The following UPF3B variants were observed in gnomAD, a reference collection of about 807,000 sequenced individuals.
The protein encoded by UPF3B is regulator of nonsense transcripts 3B.
A neutral mutation model predicts 40.3 loss-of-function variants in UPF3B; 7 were observed. The ratio of observed to expected loss-of-function variants is 0.17; its 90% CI spans 0.10 to 0.33. The LOEUF is 0.33. UPF3B is among the 10% of genes least tolerant of loss of function. The pLI, the probability that UPF3B is intolerant of heterozygous loss-of-function variation, is 1.00. For missense variants in UPF3B, 229 were observed against 358.9 expected (o/e 0.64, Z 2.93); for synonymous variants, 117 against 117.3 (o/e 1.00, Z 0.01).
chrX:119,815,117 C>G, intron 5 of UPF3B: 1 of 463,808 alleles, frequency 2.2e-6, no homozygotes, highest in Middle Eastern at 1.3e-3. Context: ...CCACCCGCCT[C>G]GGCCTCCCAA....
chrX:119,850,617 G>A (rs1461826729), intron 3 of UPF3B, among the ~76,000 whole-genome samples: 1 of 112,415 alleles, frequency 8.9e-6, no homozygotes, highest in Non-Finnish European at 1.9e-5. Context: ...AAAGAAAAGT[G>A]GCAAATGGCA....
Position 119,837,615 on chromosome X carries a change from C to CAA in UPF3B, c.1302+140_1302+141dup, listed in dbSNP as rs34350340. 5.7e-3 allele frequency: 2,242 copies of CAA among 395,480 alleles called. No homozygotes were observed. The highest frequency in any genetic ancestry group is 0.013 in the African/African-American group (297 of 23,470). The allele number at this position is 395,480 out of a possible 1,213,427, so 32.6% of individuals were successfully genotyped here. ...TGGGCAACATAGTCAGACTCTGTCT[C>CAA]AAAAAAAAAAAAAAAAAAAAGTTGC... On this transcript the variant is annotated intron_variant, in intron 10 of 10. Transcript: ENST00000276201.
At chrX:119,828,442 T>C (rs1315272302) in intron 3 of UPF3B, among the ~76,000 whole-genome samples, 1 of 111,161 alleles carries the variant, frequency 9.0e-6, no homozygotes, top group African/African-American at 3.3e-5. Context: ...GAGGCTAAGG[T>C]GGGCAGATTG....
intron 4 of UPF3B, among the ~76,000 whole-genome samples, chrX:119,819,723 A>C (rs1162562765): frequency 1.8e-5 from 2 of 112,287 alleles, no homozygotes; most frequent in Admixed American, 1.9e-4. Flanking sequence ...ACATACATAC[A>C]TAAATGGCTA....
At chrX:119,815,686 T>A (rs1758892872) in intron 4 of UPF3B, among the ~76,000 whole-genome samples, 1 of 111,190 alleles carries the variant, frequency 9.0e-6, no homozygotes, top group South Asian at 3.8e-4. Flanking sequence ...CTGGGCTAAG[T>A]TTTAAAATTT....
intron 3 of UPF3B, among the ~76,000 whole-genome samples, chrX:119,850,070 GA>G (rs67851247): frequency 0.13 from 13,840 of 105,774 alleles, 1,214 homozygotes; most frequent in African/African-American, 0.31. Context: ...TGGGGGGGGG[GA>G]AATCACTTGA....
intron 6 of UPF3B, chrX:119,805,493 T>C (rs988559710): frequency 8.9e-6 from 1 of 111,962 alleles, no homozygotes. Flanking sequence ...CAATGGGATC[T>C]AATTAAACTA....
In UPF3B at chrX:119,841,198, T is replaced by G. The variant is rs868350080; in HGVS notation, c.685A>C (p.Arg229=). The G allele has an allele frequency of 1.0e-5, 12 of 1,187,564 alleles. No homozygotes were observed. The Middle Eastern group carries it at 3.0e-3, about 295-fold the overall frequency. ...RRREIERKRQ[R]EEERRKWKEE... ...TTCCATTTCCTCCTCTCTTCTTCTC[T>G]TTGTCTTTTTCTTTCTATTTCTCTC... The change falls in exon 7 of 11, where the codon AGA becomes CGA. Residue 229 remains arginine, a synonymous_variant. Coordinates refer to ENST00000276201, the MANE Select transcript of UPF3B (RefSeq NM_080632.3).
chrX:119,845,446 TA>T (rs1410294728), intron 3 of UPF3B, 150 bp from the exon 4 acceptor site: 30 of 463,616 alleles, frequency 6.5e-5, no homozygotes, highest in Non-Finnish European at 1.1e-4. Flanking sequence ...GGCACAACCA[TA>T]ATCAACATAC....
chrX:119,813,409 G>A (rs1293805271), intron 5 of UPF3B, among the ~76,000 whole-genome samples: 1 of 110,291 alleles, frequency 9.1e-6, no homozygotes, highest in Non-Finnish European at 1.9e-5. Context: ...TCACTCTCTT[G>A]CTCACTCTGT....
Position 119,834,294 on chromosome X carries a change from C to G in UPF3B, c.*584G>C. 5.3e-6 allele frequency: 4 copies of G among 755,613 alleles called. No homozygotes were observed. Among genetic ancestry groups the G allele is most frequent in the Non-Finnish European group, 6.2e-6 (4 of 640,031 alleles). 62.3% of individuals were successfully genotyped at this position (755,613 alleles called of 1,213,427 possible). A position where few individuals can be genotyped will look rare whatever the true frequency, so the allele number is the denominator to read the frequency against. On this transcript the variant is annotated 3_prime_UTR_variant, in exon 11 of 11. Coordinates refer to ENST00000276201, the MANE Select transcript of UPF3B (RefSeq NM_080632.3). ...CATATAAGCAAACAAAAAACTAAAA[C>G]TAATCCTAAAACTTTAGGACACTGG... is the stretch of plus-strand genomic sequence containing the variant.
At chrX:119,819,528 G>A (rs2055893493) in intron 4 of UPF3B, among the ~76,000 whole-genome samples, 1 of 111,611 alleles carries the variant, frequency 9.0e-6, no homozygotes, top group African/African-American at 3.3e-5. Context: ...CCACCTTACA[G>A]TCGGGATTTA....
At chrX:119,842,580 T>TCTCTCACA (rs1556379941) in intron 5 of UPF3B, among the ~76,000 whole-genome samples, 45 of 71,468 alleles carry the variant, frequency 6.3e-4, no homozygotes, top group African/African-American at 2.6e-3. Flanking sequence ...ACTCCATCTC[T>TCTCTCACA]CACACACACA....
chrX:119,822,906 C>G, intron 4 of UPF3B: 13 of 856,295 alleles, frequency 1.5e-5, no homozygotes, highest in Non-Finnish European at 1.6e-5. Flanking sequence ...CCACGCCCGG[C>G]CTCTCCTCTT....
At chrX:119,827,181 C>T (rs760255423) in intron 3 of UPF3B, among the ~76,000 whole-genome samples, 1 of 110,867 alleles carries the variant, frequency 9.0e-6, no homozygotes, top group South Asian at 3.7e-4. Flanking sequence ...TTTTTGTTTC[C>T]TAATCTTAAA....
chrX:119,845,080 CTTACT>C (rs919448120), intron 4 of UPF3B, 113 bp downstream of exon 4: 1 of 570,508 alleles, frequency 1.8e-6, no homozygotes, highest in African/African-American at 2.3e-5. Context: ...ACATTTCTCA[CTTACT>C]TTATTTTGTA....
chrX:119,813,704 G>A (rs1166105439), intron 5 of UPF3B, among the ~76,000 whole-genome samples: 1 of 109,209 alleles, frequency 9.2e-6, no homozygotes, highest in African/African-American at 3.3e-5. Context: ...TTGGATTACA[G>A]GAGCGTGCCA....
intron 3 of UPF3B, among the ~76,000 whole-genome samples, chrX:119,823,558 C>CTTTTTTTTTTTTTTTT (rs1193140140): frequency 5.0e-5 from 1 of 20,064 alleles, no homozygotes. Flanking sequence ...TTTTTTTCCT[C>CTTTTTTTTTTTTTTTT]TTTTTTTTTT....
At chrX:119,822,877 G>C in intron 4 of UPF3B, 1 of 676,218 alleles carries the variant, frequency 1.5e-6, no homozygotes, top group African/African-American at 2.3e-5. Flanking sequence ...CAAAATGCTG[G>C]GATTACAGGC....
Sources: gnomAD v4.1 joint callset for allele counts (sites outside exome capture counted in the v4.1 genomes callset) on GRCh38, gnomAD v4.1.1 for gene constraint, MANE v1.5 for transcripts, NCBI Gene and HGNC (gene_info 2026-07-23, HGNC 2026-07-21) for gene names.